Variants in LRP1B observed in about 807,000 individuals in gnomAD.
LRP1B encodes LDL receptor related protein 1B, also known as low-density lipoprotein receptor-related protein 1B.
In LRP1B, 217 loss-of-function variants were observed where a neutral mutation model predicts 556.6. The ratio of observed to expected loss-of-function variants is 0.39; its 90% CI spans 0.35 to 0.44. The LOEUF is 0.44. LRP1B is among the 20% of genes least tolerant of loss of function. LRP1B has a pLI of 1.00. For missense variants in LRP1B, 5,053 were observed against 5,620.8 expected (o/e 0.90, Z 3.23); for synonymous variants, 2,047 against 1,865.8 (o/e 1.10, Z -2.50).
intron 79 of LRP1B, among the ~76,000 whole-genome samples, chr2:140,327,386 C>A (rs897152872): frequency 4.6e-5 from 7 of 152,018 alleles, no homozygotes; most frequent in African/African-American, 1.4e-4. Flanking sequence ...CATGCCTGAC[C>A]AGATCCTGAG....
intron 3 of LRP1B, among the ~76,000 whole-genome samples, chr2:141,285,091 A>G (rs1375655210): frequency 6.7e-6 from 1 of 150,246 alleles, no homozygotes; most frequent in African/African-American, 2.5e-5. Context: ...ATATAAACCC[A>G]TATTTCATTT....
At chr2:140,682,916 G>T (rs1273680089) in intron 41 of LRP1B, among the ~76,000 whole-genome samples, 2 of 152,066 alleles carry the variant, frequency 1.3e-5, no homozygotes, top group African/African-American at 4.8e-5. Flanking sequence ...GAAAATATGA[G>T]CCTGATTCTT....
chr2:141,233,603 C>T (rs1037852676), intron 5 of LRP1B, among the ~76,000 whole-genome samples: 1 of 151,968 alleles, frequency 6.6e-6, no homozygotes, highest in Non-Finnish European at 1.5e-5. Context: ...TCCTTGCAAG[C>T]CTATCTTTAT....
intron 1 of LRP1B, among the ~76,000 whole-genome samples, chr2:141,937,640 TA>T (rs898950440): frequency 7.3e-5 from 11 of 150,290 alleles, no homozygotes; most frequent in Non-Finnish European, 1.2e-4. Context: ...AGTGCAAGGA[TA>T]AAAAAAACCA....
chr2:141,782,102 A>T (rs1316205653), intron 2 of LRP1B, among the ~76,000 whole-genome samples: 1 of 152,130 alleles, frequency 6.6e-6, no homozygotes. Context: ...TAAATATTAA[A>T]TTATTCAGCT....
chr2:140,783,004 C>A (rs767553724), intron 32 of LRP1B, among the ~76,000 whole-genome samples: 2 of 152,080 alleles, frequency 1.3e-5, no homozygotes, highest in Non-Finnish European at 2.9e-5. Context: ...CTGCCCTATT[C>A]GAAAATAGTC....
chr2:140,765,263 G>T (rs1279805072), intron 35 of LRP1B, among the ~76,000 whole-genome samples: 1 of 152,096 alleles, frequency 6.6e-6, no homozygotes, highest in Admixed American at 6.6e-5. Context: ...GATGAAAAAA[G>T]AATGTAAGTG....
intron 7 of LRP1B, among the ~76,000 whole-genome samples, chr2:141,118,206 C>A (rs1026971421): frequency 6.6e-6 from 1 of 151,664 alleles, no homozygotes; most frequent in Non-Finnish European, 1.5e-5. Flanking sequence ...TTTTTTTAAA[C>A]CTAGAAATGG....
intron 20 of LRP1B, among the ~76,000 whole-genome samples, chr2:140,925,248 G>C (rs568516833): frequency 4.6e-5 from 7 of 152,200 alleles, no homozygotes; most frequent in African/African-American, 1.7e-4. Context: ...TACTACAGTT[G>C]TAAAGAATTA....
chr2:140,852,242 A>T (rs1399356909), intron 27 of LRP1B, among the ~76,000 whole-genome samples: 1 of 152,130 alleles, frequency 6.6e-6, no homozygotes, highest in East Asian at 1.9e-4. Flanking sequence ...CAGGAGAATC[A>T]CTTGAACCCG....
chr2:141,466,182 C>T (rs1329400155), intron 3 of LRP1B, among the ~76,000 whole-genome samples: 3 of 152,052 alleles, frequency 2.0e-5, no homozygotes, highest in African/African-American at 4.8e-5. Context: ...CCACTGCGCC[C>T]GGCCTAAATA....
chr2:141,111,373 T>C (rs966497757), intron 7 of LRP1B, among the ~76,000 whole-genome samples: 5 of 152,190 alleles, frequency 3.3e-5, no homozygotes, highest in African/African-American at 1.2e-4. Context: ...TATTCAGATT[T>C]CATATTTGCA....
At chr2:140,885,273 C>A (rs1258943060) in intron 24 of LRP1B, among the ~76,000 whole-genome samples, 1 of 151,470 alleles carries the variant, frequency 6.6e-6, no homozygotes, top group Non-Finnish European at 1.5e-5. Flanking sequence ...ATGGAATTAA[C>A]AATTTGACAG....
intron 2 of LRP1B, among the ~76,000 whole-genome samples, chr2:141,576,862 T>G (rs1686772141): frequency 6.6e-6 from 1 of 151,562 alleles, no homozygotes; most frequent in South Asian, 2.1e-4. Flanking sequence ...CTTGCTGTTT[T>G]GCCCAGGTTG....
At chr2:140,511,292 C>CTTTTTTTTTTTTTTTT (rs70985101) in intron 51 of LRP1B, among the ~76,000 whole-genome samples, 2 of 58,456 alleles carry the variant, frequency 3.4e-5, no homozygotes, top group African/African-American at 1.4e-4. Flanking sequence ...CTCTAAGGGT[C>CTTTTTTTTTTTTTTTT]TTTTTTTTTT....
At chr2:140,802,473 T>A (rs967431474) in intron 32 of LRP1B, among the ~76,000 whole-genome samples, 3 of 152,180 alleles carry the variant, frequency 2.0e-5, no homozygotes, top group African/African-American at 7.2e-5. Context: ...TATCCACGAA[T>A]ATAATTGTTC....
At chr2:141,873,109 G>A (rs973566848) in intron 1 of LRP1B, among the ~76,000 whole-genome samples, 3 of 151,930 alleles carry the variant, frequency 2.0e-5, no homozygotes, top group Admixed American at 6.6e-5. Context: ...GGAAAGAATG[G>A]CACATAAATA....
chr2:141,492,091 A>AAAACAAAAAAAC (rs67960557), intron 2 of LRP1B, among the ~76,000 whole-genome samples: 1 of 100,194 alleles, frequency 1.0e-5, no homozygotes, highest in Admixed American at 1.3e-4. Context: ...AAAAAAAAAA[A>AAAACAAAAAAAC]CACTAAGAAA....
At chr2:140,947,981 T>C (rs183622607) in intron 20 of LRP1B, among the ~76,000 whole-genome samples, 2 of 152,290 alleles carry the variant, frequency 1.3e-5, no homozygotes, top group Admixed American at 1.3e-4. Context: ...GCCATTAACA[T>C]TAAATAGCCA....
Sources: allele counts gnomAD v4.1 joint callset (sites outside exome capture counted in the v4.1 genomes callset), GRCh38; gene constraint gnomAD v4.1.1; transcripts MANE v1.5; gene names NCBI Gene and HGNC (gene_info 2026-07-23, HGNC 2026-07-21).